Variants in DNAJC24 observed in about 807,000 individuals in gnomAD.
DNAJC24 encodes dnaJ homolog subfamily C member 24.
A neutral mutation model predicts 18.0 loss-of-function variants in DNAJC24; 17 were observed. The ratio of observed to expected loss-of-function variants is 0.94; its 90% CI spans 0.65 to 1.42. The LOEUF (loss-of-function observed/expected upper bound fraction) is 1.42, where lower values mean the gene tolerates loss of function less well. DNAJC24 is among the 40% of genes most tolerant of loss of function. The probability of loss-of-function intolerance (pLI) is 0.00; values close to 1 mark genes in which losing one functional copy is unlikely to be tolerated. For synonymous variants in DNAJC24, 55 were observed against 57.7 expected (o/e 0.95, Z 0.21); for missense variants, 158 against 175.6 (o/e 0.90, Z 0.57).
rs371050298 is a variant in DNAJC24 at position 31,426,237 on chromosome 11, A to G, written c.251-50A>G. ...CCTTTTTAGCATTCTTCAAGGTTAC[A>G]ATTAAAGTATCATGTTTTACAATTA... On this transcript the variant is annotated intron_variant, in intron 3 of 4. Transcript: ENST00000465995. The G allele has an allele frequency of 5.8e-6, 7 of 1,203,066 alleles. No individual in the cohort carries two copies. In the African/African-American group the frequency reaches 9.3e-5, roughly 16 times the overall value. The allele number at this position is 1,203,066 out of a possible 1,614,324, so 74.5% of individuals were successfully genotyped here.
chr11:31,393,270 G>C (rs1168112828), intron 2 of DNAJC24, among the ~76,000 whole-genome samples: 2 of 152,100 alleles, frequency 1.3e-5, no homozygotes, highest in African/African-American at 2.4e-5. Flanking sequence ...CCTACAAGGA[G>C]GAGTGAAACA....
chr11:31,429,625 T>C, intron 4 of DNAJC24: 1 of 259,500 alleles, frequency 3.9e-6, no homozygotes. Flanking sequence ...CCGTATTGCC[T>C]CCTTTGGGCA....
chr11:31,417,907 A>G (rs1336754808), intron 3 of DNAJC24, among the ~76,000 whole-genome samples: 1 of 152,064 alleles, frequency 6.6e-6, no homozygotes, highest in African/African-American at 2.4e-5. Flanking sequence ...AAATGATCAT[A>G]TGTGTTCTTT....
At chr11:31,413,964 A>G (rs1476201213) in intron 2 of DNAJC24, among the ~76,000 whole-genome samples, 1 of 152,186 alleles carries the variant, frequency 6.6e-6, no homozygotes, top group Non-Finnish European at 1.5e-5. Flanking sequence ...CACAGAGAAC[A>G]TAGAAGAAAA....
intron 1 of DNAJC24, 48 bp from the exon 2 acceptor site, chr11:31,370,668 T>G (rs1952220065): frequency 1.1e-6 from 1 of 904,478 alleles, no homozygotes; most frequent in Non-Finnish European, 1.7e-6. Context: ...AATTTTTTCT[T>G]AGATACATGG....
intron 2 of DNAJC24, among the ~76,000 whole-genome samples, chr11:31,404,954 G>A (rs1231432998): frequency 2.6e-5 from 4 of 151,524 alleles, no homozygotes; most frequent in Admixed American, 6.6e-5. Context: ...CTGATCTCTT[G>A]TTGTTATGAC....
chr11:31,377,803 G>C (rs1952333150), intron 2 of DNAJC24, among the ~76,000 whole-genome samples: 2 of 152,076 alleles, frequency 1.3e-5, no homozygotes, highest in Non-Finnish European at 2.9e-5. Flanking sequence ...AGTTGGAAAA[G>C]AGTTATTGTG....
At chr11:31,390,740 A>G (rs1952487297) in intron 2 of DNAJC24, among the ~76,000 whole-genome samples, 1 of 151,866 alleles carries the variant, frequency 6.6e-6, no homozygotes, top group South Asian at 2.1e-4. Flanking sequence ...ATCTCCCAGT[A>G]AAGAAAAGCC....
In DNAJC24 at chr11:31,371,209, A is replaced by G. The variant is rs150086788; in HGVS notation, c.111+350A>G. The stretch of plus-strand genomic sequence containing the variant: ...TGTTACATAATAAACAACAGTAGCT[A>G]CTAGCCACATGTGGCTGTTGATTAC... On this transcript the variant is annotated intron_variant, in intron 2 of 4. Coordinates refer to ENST00000465995, the MANE Select transcript of DNAJC24 (RefSeq NM_181706.5). 4.3e-3 allele frequency among the ~76,000 whole-genome samples: 656 copies of G among 152,358 alleles called. 10 individuals carry two copies. The highest frequency in any genetic ancestry group is 0.015 in the African/African-American group (620 of 41,588).
chr11:31,377,420 A>G (rs1952327880), intron 2 of DNAJC24, among the ~76,000 whole-genome samples: 1 of 152,130 alleles, frequency 6.6e-6, no homozygotes, highest in Non-Finnish European at 1.5e-5. Flanking sequence ...TTCACATACC[A>G]TACATATTAC....
chr11:31,374,113 G>T (rs1304823099), intron 2 of DNAJC24: 4 of 392,494 alleles, frequency 1.0e-5, no homozygotes, highest in African/African-American at 8.2e-5. Context: ...GCACTAGCTG[G>T]TTGCTTCTAT....
chr11:31,426,644 T>G (rs1952865000), intron 4 of DNAJC24: 1 of 264,572 alleles, frequency 3.8e-6, no homozygotes, highest in Non-Finnish European at 7.0e-6. Flanking sequence ...CTTTAGTTTT[T>G]GCATTACTGT....
chr11:31,373,511 A>T (rs1337712201), intron 2 of DNAJC24, among the ~76,000 whole-genome samples: 2 of 135,442 alleles, frequency 1.5e-5, no homozygotes, highest in East Asian at 3.9e-4. Context: ...ATTTATAATC[A>T]GTCTCAAAGT....
intron 3 of DNAJC24, among the ~76,000 whole-genome samples, chr11:31,421,559 A>G (rs1952804384): frequency 6.6e-6 from 1 of 152,200 alleles, no homozygotes; most frequent in Non-Finnish European, 1.5e-5. Context: ...ACTTCAAAAT[A>G]TCTTGGCCAT....
intron 2 of DNAJC24, among the ~76,000 whole-genome samples, chr11:31,376,005 TCCCA>T (rs1952310072): frequency 2.2e-5 from 3 of 136,600 alleles, no homozygotes; most frequent in African/African-American, 2.5e-5. Context: ...CTCTCATAGT[TCCCA>T]TGTGTTGTGG....
At chr11:31,423,711 A>T (rs1952833024) in intron 3 of DNAJC24, among the ~76,000 whole-genome samples, 1 of 152,214 alleles carries the variant, frequency 6.6e-6, no homozygotes, top group Non-Finnish European at 1.5e-5. Context: ...TGAAACCAGA[A>T]TCCCTACAGG....
rs12576673 is a variant in DNAJC24, at chr11:31,392,228, A to C, written c.111+21369A>C. On this transcript the variant is annotated intron_variant, in intron 2 of 4. Coordinates refer to ENST00000465995, the MANE Select transcript of DNAJC24 (RefSeq NM_181706.5). The stretch of plus-strand genomic sequence containing the variant: ...TGCAGTCAACAATAATTTATTGTGC[A>C]TTTAAAAATAACTAAAAGAGTTTAA... Among the ~76,000 whole-genome samples, 511 of 152,308 alleles carry C rather than the reference A, an allele frequency of 3.4e-3. 26 individuals carry two copies. In the East Asian group the frequency reaches 0.088, roughly 26 times the overall value.
chr11:31,424,642 T>A (rs377157351), intron 3 of DNAJC24, among the ~76,000 whole-genome samples: 4 of 152,328 alleles, frequency 2.6e-5, no homozygotes, highest in African/African-American at 9.6e-5. Flanking sequence ...GAACTATCTC[T>A]GACCACTAGG....
chr11:31,400,946 A>G (rs1952595071), intron 2 of DNAJC24, among the ~76,000 whole-genome samples: 1 of 152,246 alleles, frequency 6.6e-6, no homozygotes, highest in Admixed American at 6.5e-5. Flanking sequence ...CAGGCAACCT[A>G]CAGAATGGGA....
Sources: allele counts gnomAD v4.1 joint callset (sites outside exome capture counted in the v4.1 genomes callset), GRCh38; gene constraint gnomAD v4.1.1; transcripts MANE v1.5; gene names NCBI Gene and HGNC (gene_info 2026-07-23, HGNC 2026-07-21).